SNAP25: variants seen among roughly 807,000 people sequenced by gnomAD.
The protein encoded by SNAP25 is synaptosomal-associated protein 25.
In SNAP25, 3 loss-of-function variants were observed where a neutral mutation model predicts 28.7. The ratio of observed to expected loss-of-function variants is 0.10; its 90% CI spans 0.05 to 0.27. The LOEUF (loss-of-function observed/expected upper bound fraction) is 0.27, where lower values mean the gene tolerates loss of function less well. SNAP25 is among the 10% of genes least tolerant of loss of function. The pLI is 1.00. For missense variants in SNAP25, 117 were observed against 278.7 expected (o/e 0.42, Z 4.13); for synonymous variants, 61 against 88.1 (o/e 0.69, Z 1.72).
At chr20:10,274,365 T>C (rs2063650007) in intron 1 of SNAP25, among the ~76,000 whole-genome samples, 1 of 152,186 alleles carries the variant, frequency 6.6e-6, no homozygotes, top group Admixed American at 6.5e-5. Flanking sequence ...GGCTTCCACA[T>C]GCTTCTAAAC....
intron 1 of SNAP25, among the ~76,000 whole-genome samples, chr20:10,251,640 C>T (rs1164551183): frequency 6.6e-6 from 1 of 152,206 alleles, no homozygotes; most frequent in East Asian, 1.9e-4. Context: ...ACACATAAAT[C>T]TATTTGAATG....
chr20:10,277,939 C>A (rs1292108975), intron 3 of SNAP25: 6 of 494,688 alleles, frequency 1.2e-5, no homozygotes, highest in Admixed American at 1.1e-4. Context: ...CAAGCCACCT[C>A]TGTAGTCTGG....
intron 1 of SNAP25, among the ~76,000 whole-genome samples, chr20:10,268,984 A>C (rs544765049): frequency 7.8e-6 from 1 of 127,854 alleles, no homozygotes; most frequent in Non-Finnish European, 1.7e-5. Flanking sequence ...TGAGGGCCAC[A>C]AGGGCACCCT....
chr20:10,280,665 C>A (rs574178812), intron 3 of SNAP25, among the ~76,000 whole-genome samples: 1 of 152,304 alleles, frequency 6.6e-6, no homozygotes, highest in East Asian at 1.9e-4. Context: ...GTCTGCACAT[C>A]AATGCCTTGG....
intron 1 of SNAP25, among the ~76,000 whole-genome samples, chr20:10,238,636 G>A (rs191824495): frequency 5.3e-5 from 8 of 152,320 alleles, no homozygotes; most frequent in East Asian, 3.9e-4. Flanking sequence ...TAGGTTGGGC[G>A]TGGTGGCTCA....
chr20:10,286,462 C>T (rs1450331418), intron 4 of SNAP25, among the ~76,000 whole-genome samples: 1 of 152,118 alleles, frequency 6.6e-6, no homozygotes, highest in Non-Finnish European at 1.5e-5. Context: ...TCTGAGAAGC[C>T]CTCGGCCAGG....
chr20:10,282,972 A>G (rs1352510739), intron 3 of SNAP25, among the ~76,000 whole-genome samples: 2 of 152,218 alleles, frequency 1.3e-5, no homozygotes, highest in Non-Finnish European at 2.9e-5. Context: ...AACCAGCTCA[A>G]TATGTCAGGG....
intron 1 of SNAP25, among the ~76,000 whole-genome samples, chr20:10,222,018 T>A (rs905642024): frequency 6.6e-6 from 1 of 152,174 alleles, no homozygotes; most frequent in Non-Finnish European, 1.5e-5. Flanking sequence ...GAAGGAAAAA[T>A]CTGTGTTTTA....
chr20:10,288,330 T>TC (rs2063926743), intron 4 of SNAP25, among the ~76,000 whole-genome samples: 1 of 151,930 alleles, frequency 6.6e-6, no homozygotes, highest in Non-Finnish European at 1.5e-5. Flanking sequence ...TAGAGCCTTT[T>TC]CCCCCCGAAC....
intron 1 of SNAP25, among the ~76,000 whole-genome samples, chr20:10,240,141 T>G (rs2062998672): frequency 6.6e-6 from 1 of 152,122 alleles, no homozygotes; most frequent in African/African-American, 2.4e-5. Flanking sequence ...TAGAGTTCAC[T>G]TCCTTGCATC....
intron 1 of SNAP25, among the ~76,000 whole-genome samples, chr20:10,219,981 A>G (rs554368324): frequency 1.1e-3 from 160 of 152,316 alleles, no homozygotes; most frequent in African/African-American, 3.6e-3. Context: ...TAGAAAATAA[A>G]TACATTTTTT....
chr20:10,277,613 T>A, intron 2 of SNAP25, 72 bp from the exon 3 acceptor site: 1 of 1,295,336 alleles, frequency 7.7e-7, no homozygotes, highest in Non-Finnish European at 1.1e-6. Context: ...GTAAATAAAG[T>A]ATTTCTGATT....
intron 4 of SNAP25, among the ~76,000 whole-genome samples, chr20:10,291,219 G>A (rs1027444391): frequency 7.9e-5 from 12 of 152,004 alleles, no homozygotes; most frequent in African/African-American, 1.4e-4. Context: ...GATTACAGGC[G>A]CATGCCACCA....
chr20:10,249,028 T>C (rs1034799755), intron 1 of SNAP25, among the ~76,000 whole-genome samples: 3 of 152,218 alleles, frequency 2.0e-5, no homozygotes, highest in South Asian at 2.1e-4. Context: ...AAATAGGCCA[T>C]GGACACACAG....
chr20:10,270,939 A>G (rs1441566430), intron 1 of SNAP25, among the ~76,000 whole-genome samples: 1 of 151,808 alleles, frequency 6.6e-6, no homozygotes, highest in Non-Finnish European at 1.5e-5. Flanking sequence ...CATGAATTGA[A>G]CCCTTACTAG....
In SNAP25 at chr20:10,258,581, C is replaced by G. The variant is rs748668274; in HGVS notation, c.-63-16848C>G. ...TGTGGCTTACAAAAATCTCCAGGCCCTTTGCCCACAAGGTCTAATGCAAGC... is the reference window on the plus strand; with the variant it reads ...TGTGGCTTACAAAAATCTCCAGGCCGTTTGCCCACAAGGTCTAATGCAAGC... On this transcript the variant is annotated intron_variant, in intron 1 of 7. Coordinates refer to ENST00000254976, the MANE Select transcript of SNAP25 (RefSeq NM_130811.4). Among the ~76,000 whole-genome samples, 93 of 152,182 alleles carry G rather than the reference C, an allele frequency of 6.1e-4. 5 individuals are homozygous for G. The highest frequency in any genetic ancestry group is 2.1e-4 in the Non-Finnish European group (14 of 68,036).
In SNAP25 at chr20:10,284,133, C is replaced by A. The variant is rs375667696; in HGVS notation, c.115-591C>A. Among the ~76,000 whole-genome samples the A allele has an allele frequency of 1.1e-4, 17 of 152,222 alleles. No individual in the cohort carries two copies. In the South Asian group the frequency reaches 3.5e-3, roughly 32 times the overall value. ...TCAAACCCATTCTAAATACTGTAGACCCTCTCCATAGAGATAGAAAAATGG... is the reference window on the plus strand; with the variant it reads ...TCAAACCCATTCTAAATACTGTAGAACCTCTCCATAGAGATAGAAAAATGG... On this transcript the variant is annotated intron_variant, in intron 3 of 7. Coordinates refer to ENST00000254976, the MANE Select transcript of SNAP25 (RefSeq NM_130811.4).
intron 3 of SNAP25, among the ~76,000 whole-genome samples, chr20:10,283,764 T>C (rs755557708): frequency 1.2e-4 from 18 of 152,138 alleles, no homozygotes; most frequent in Non-Finnish European, 2.2e-4. Flanking sequence ...ACCATGAGCT[T>C]TACTTGAAAA....
intron 4 of SNAP25, among the ~76,000 whole-genome samples, chr20:10,290,084 T>C (rs1269009157): frequency 1.3e-5 from 2 of 152,014 alleles, no homozygotes; most frequent in East Asian, 3.9e-4. Context: ...CAACACTGGA[T>C]GGTGCGTTGC....
Sources: allele counts gnomAD v4.1 joint callset (sites outside exome capture counted in the v4.1 genomes callset), GRCh38; gene constraint gnomAD v4.1.1; transcripts MANE v1.5; gene names NCBI Gene and HGNC (gene_info 2026-07-23, HGNC 2026-07-21).